TMPRSS11E: variants seen among roughly 807,000 people sequenced by gnomAD.
The protein encoded by TMPRSS11E is transmembrane serine protease 11E.
TMPRSS11E carries 38 observed loss-of-function variants against 48.1 expected under a neutral mutation model. That is an observed-to-expected ratio of 0.79 (90% CI 0.61 to 1.04). The LOEUF (loss-of-function observed/expected upper bound fraction) is 1.04. Among genes scored for constraint, TMPRSS11E ranks in the 50% least tolerant of loss-of-function variants. The probability of loss-of-function intolerance (pLI) is 0.00; values close to 1 mark genes in which losing one functional copy is unlikely to be tolerated. For synonymous variants in TMPRSS11E, 158 were observed against 171.9 expected, an observed-to-expected ratio of 0.92 and a Z score of 0.63; for missense variants, 530 against 510.8, an observed-to-expected ratio of 1.04 and a Z score of -0.36.
intron 9 of TMPRSS11E, among the ~76,000 whole-genome samples, chr4:68,491,390 C>G (rs1371815797): frequency 1.4e-5 from 2 of 147,772 alleles, no homozygotes; most frequent in Non-Finnish European, 3.0e-5. Context: ...GTCGTCTTCT[C>G]TCTAATTTTC....
intron 5 of TMPRSS11E, among the ~76,000 whole-genome samples, chr4:68,473,756 C>T (rs1268513248): frequency 1.3e-5 from 2 of 152,054 alleles, no homozygotes; most frequent in Non-Finnish European, 2.9e-5. Flanking sequence ...TTGACATTTT[C>T]CTAGGAAGAG....
At chr4:68,496,555 C>T (rs1729870315) in intron 9 of TMPRSS11E, 88 bp from the exon 10 acceptor site, 1 of 1,340,432 alleles carries the variant, frequency 7.5e-7, no homozygotes, top group Admixed American at 2.3e-5. Flanking sequence ...AAAATTACCC[C>T]TTTCATTACA....
chr4:68,469,792 T>TC (rs1347652352), intron 4 of TMPRSS11E, among the ~76,000 whole-genome samples: 2 of 151,890 alleles, frequency 1.3e-5, no homozygotes, highest in Non-Finnish European at 1.5e-5. Flanking sequence ...TATATACACA[T>TC]CCCCATGTGG....
intron 1 of TMPRSS11E, among the ~76,000 whole-genome samples, chr4:68,458,638 G>A (rs1352193063): frequency 6.6e-6 from 1 of 152,046 alleles, no homozygotes; most frequent in Non-Finnish European, 1.5e-5. Flanking sequence ...TACTTTCTTT[G>A]AGCATACTTT....
rs1729658708 is a variant in TMPRSS11E at position 68,489,603 on chromosome 4, G to A, written c.1111-7040G>A. Among the ~76,000 whole-genome samples the A allele has an allele frequency of 3.9e-5, 6 of 152,212 alleles. No individual in the cohort carries two copies. In the South Asian group the frequency reaches 1.2e-3, roughly 31 times the overall value. ...CAGCAGGTAGAGGCTGCCAGTGAGTGCATGCTGGTGGGCGCTCACTGACAG... is the reference window on the plus strand; with the variant it reads ...CAGCAGGTAGAGGCTGCCAGTGAGTACATGCTGGTGGGCGCTCACTGACAG... On this transcript the variant is annotated intron_variant, in intron 9 of 9. Coordinates refer to ENST00000305363, the MANE Select transcript of TMPRSS11E (RefSeq NM_014058.4).
chr4:68,488,522 C>T (rs13142952), intron 9 of TMPRSS11E, among the ~76,000 whole-genome samples: 85,375 of 151,830 alleles, frequency 0.56, 26,849 homozygotes, highest in Non-Finnish European at 0.73. Context: ...TCTTTTCTTT[C>T]CTTTTTTCTT....
chr4:68,454,858 G>T (rs891176771), intron 1 of TMPRSS11E, among the ~76,000 whole-genome samples: 28 of 151,828 alleles, frequency 1.8e-4, no homozygotes, highest in Non-Finnish European at 3.5e-4. Flanking sequence ...TATTTTGGGG[G>T]TATCTGTGAT....
intron 1 of TMPRSS11E, among the ~76,000 whole-genome samples, chr4:68,460,178 A>G (rs540143368): frequency 3.9e-5 from 6 of 152,226 alleles, no homozygotes; most frequent in African/African-American, 1.4e-4. Flanking sequence ...TCCCAGGGAC[A>G]GGATTATACA....
rs559817137 is a variant in TMPRSS11E, at chr4:68,497,064, A to G, written c.*260A>G. 37 of 320,922 alleles carry G rather than the reference A, an allele frequency of 1.2e-4. No homozygotes were observed. In the South Asian group the frequency reaches 3.2e-3, roughly 27 times the overall value. The allele number at this position is 320,922 out of a possible 1,614,324, so 19.9% of individuals were successfully genotyped here. On this transcript the variant is annotated 3_prime_UTR_variant, in exon 10 of 10. Coordinates refer to ENST00000305363, the MANE Select transcript of TMPRSS11E (RefSeq NM_014058.4). ...AGAGAAATAGATAATACAATATTACATTACAGCCTGTATTCATTTGTTCTC... is the reference window on the plus strand; with the variant it reads ...AGAGAAATAGATAATACAATATTACGTTACAGCCTGTATTCATTTGTTCTC...
At chr4:68,476,943 C>A (rs1578140623) in intron 7 of TMPRSS11E, among the ~76,000 whole-genome samples, 3 of 152,172 alleles carry the variant, frequency 2.0e-5, no homozygotes, top group Admixed American at 2.0e-4. Flanking sequence ...AATCTATTGT[C>A]AAAATGTCTA....
At chr4:68,452,899 A>T (rs973467776) in intron 1 of TMPRSS11E, among the ~76,000 whole-genome samples, 93 of 152,084 alleles carry the variant, frequency 6.1e-4, no homozygotes, top group African/African-American at 2.2e-3. Context: ...AAACTGTAGG[A>T]CAACTGGCAG....
chr4:68,492,358 T>C (rs762686510), intron 9 of TMPRSS11E, among the ~76,000 whole-genome samples: 2 of 152,236 alleles, frequency 1.3e-5, no homozygotes, highest in African/African-American at 2.4e-5. Flanking sequence ...AAATATCTTA[T>C]TACTCAATGA....
intron 2 of TMPRSS11E, among the ~76,000 whole-genome samples, chr4:68,463,366 A>G (rs1728845398): frequency 6.6e-6 from 1 of 151,954 alleles, no homozygotes. Context: ...CAGTGGCTCG[A>G]TCTCGGCTCA....
intron 9 of TMPRSS11E, among the ~76,000 whole-genome samples, chr4:68,494,569 G>A (rs899479185): frequency 6.6e-6 from 1 of 152,020 alleles, no homozygotes; most frequent in African/African-American, 2.4e-5. Flanking sequence ...TCCAATTTTA[G>A]AAGTTTCTGA....
chr4:68,478,777 T>C, intron 8 of TMPRSS11E, 72 bp from the exon 9 acceptor site: 2 of 1,543,638 alleles, frequency 1.3e-6, no homozygotes, highest in Non-Finnish European at 1.8e-6. Context: ...TTATTCCTAA[T>C]CATGAAACAT....
rs976113912 is a variant in TMPRSS11E at position 68,456,942 on chromosome 4, C to T, written c.12-4879C>T. ...TAAACTTAAATGTAAGACCTAAAACCATAAAAACTCTAGAAGAAAACCTAG... is the reference window on the plus strand; with the variant it reads ...TAAACTTAAATGTAAGACCTAAAACTATAAAAACTCTAGAAGAAAACCTAG... On this transcript the variant is annotated intron_variant, in intron 1 of 9. Coordinates refer to ENST00000305363, the MANE Select transcript of TMPRSS11E (RefSeq NM_014058.4). 7.2e-5 allele frequency among the ~76,000 whole-genome samples: 11 copies of T among 152,116 alleles called. No individual in the cohort carries two copies. In the East Asian group the frequency reaches 2.1e-3, roughly 29 times the overall value.
chr4:68,471,653 T>A, intron 5 of TMPRSS11E, 30 bp downstream of exon 5: 1 of 1,517,906 alleles, frequency 6.6e-7, no homozygotes, highest in East Asian at 2.4e-5. Flanking sequence ...TTTTCTTTCA[T>A]AGAACAGCTT....
At chr4:68,474,879 A>G (rs1403590971) in intron 6 of TMPRSS11E, 118 bp downstream of exon 6, 1 of 818,456 alleles carries the variant, frequency 1.2e-6, no homozygotes, top group Non-Finnish European at 1.9e-6. Flanking sequence ...AGTTTGATTA[A>G]TTTGTGTACA....
chr4:68,497,055 C>A lies in TMPRSS11E; in HGVS notation c.*251C>A, dbSNP rs1729892222. 1 of 366,572 alleles carries A rather than the reference C, an allele frequency of 2.7e-6. No individual in the cohort carries two copies. The allele number at this position is 366,572 out of a possible 1,614,324, so 22.7% of individuals were successfully genotyped here. ...TATGTACATAGAGAAATAGATAATA[C>A]AATATTACATTACAGCCTGTATTCA... On this transcript the variant is annotated 3_prime_UTR_variant, in exon 10 of 10. Coordinates refer to ENST00000305363, the MANE Select transcript of TMPRSS11E (RefSeq NM_014058.4).
Sources: gnomAD v4.1 joint callset for allele counts (sites outside exome capture counted in the v4.1 genomes callset) on GRCh38, gnomAD v4.1.1 for gene constraint, MANE v1.5 for transcripts, NCBI Gene and HGNC (gene_info 2026-07-23, HGNC 2026-07-21) for gene names.